Variants in TLL2 observed in about 807,000 individuals in gnomAD.
The protein encoded by TLL2 is tolloid like 2, also known as tolloid-like protein 2.
In TLL2, 106 loss-of-function variants were observed where a neutral mutation model predicts 123.0. That is an observed-to-expected ratio of 0.86 (90% confidence interval 0.74 to 1.01). The LOEUF (loss-of-function observed/expected upper bound fraction) is 1.01, where lower values mean the gene tolerates loss of function less well. Ranked by LOEUF, TLL2 falls within the 50% of genes least tolerant of loss-of-function variation. The probability of loss-of-function intolerance (pLI) is 0.00; values close to 1 mark genes in which losing one functional copy is unlikely to be tolerated. For missense variants in TLL2, 1,332 were observed against 1,336.7 expected (o/e 1.00, Z 0.06); for synonymous variants, 494 against 516.8 (o/e 0.96, Z 0.60).
intron 2 of TLL2, among the ~76,000 whole-genome samples, chr10:96,477,913 T>C (rs1407454241): frequency 6.6e-6 from 1 of 152,200 alleles, no homozygotes; most frequent in Non-Finnish European, 1.5e-5. Context: ...CAGCACCTTC[T>C]GGGTACAAGG....
In TLL2 at chr10:96,387,043, A is replaced by G; in HGVS notation, c.1762T>C (p.Cys588Arg). ...DECSWPDHGG[C>R]EHRCVNTLGS... is the part of the protein sequence containing the mutation. Reference sequence around the variant, plus strand: ...AGCGTGTTCACACAGCGATGCTCGCACCCGCCGTGATCTGGCCAGGAACAC... The same window carrying G: ...AGCGTGTTCACACAGCGATGCTCGCGCCCGCCGTGATCTGGCCAGGAACAC... Residue 588 changes from cysteine to arginine, a missense_variant, in exon 14 of 21, where the codon TGC becomes CGC. By Grantham distance (180) the Cys-to-Arg change is radical. Coordinates refer to ENST00000357947, the MANE Select transcript of TLL2 (RefSeq NM_012465.4). The G allele has an allele frequency of 6.2e-7, 1 of 1,609,804 alleles. No homozygotes were observed. The highest frequency in any genetic ancestry group is 8.5e-7 in the Non-Finnish European group (1 of 1,179,210).
chr10:96,433,783 T>G (rs1846767651), intron 3 of TLL2, among the ~76,000 whole-genome samples: 1 of 152,178 alleles, frequency 6.6e-6, no homozygotes. Flanking sequence ...TGTTTTTGTT[T>G]GTTTGTTTGT....
chr10:96,486,761 C>T (rs1847360345), intron 1 of TLL2, among the ~76,000 whole-genome samples: 1 of 152,234 alleles, frequency 6.6e-6, no homozygotes, highest in African/African-American at 2.4e-5. Flanking sequence ...CCCTGCACAC[C>T]ACAGTTTGAA....
intron 1 of TLL2, among the ~76,000 whole-genome samples, chr10:96,507,751 A>G (rs1202152949): frequency 6.6e-6 from 1 of 152,188 alleles, no homozygotes; most frequent in Non-Finnish European, 1.5e-5. Flanking sequence ...CAGATTTGGA[A>G]TCTAGGTCTG....
chr10:96,405,809 G>A (rs1846443871), intron 9 of TLL2, among the ~76,000 whole-genome samples: 1 of 152,124 alleles, frequency 6.6e-6, no homozygotes, highest in Admixed American at 6.5e-5. Context: ...CCTGAGGTGT[G>A]GTGTGTCTAA....
At chr10:96,506,756 A>T (rs1033141228) in intron 1 of TLL2, among the ~76,000 whole-genome samples, 1 of 151,712 alleles carries the variant, frequency 6.6e-6, no homozygotes, top group Non-Finnish European at 1.5e-5. Context: ...ATGCTCTCCC[A>T]ACACACATGC....
chr10:96,379,937 C>T (rs1291285789), intron 16 of TLL2, among the ~76,000 whole-genome samples: 3 of 152,246 alleles, frequency 2.0e-5, no homozygotes. Context: ...TGCCGCGACT[C>T]CACCCCGCCC....
intron 1 of TLL2, among the ~76,000 whole-genome samples, chr10:96,488,572 G>A (rs974937064): frequency 5.9e-5 from 9 of 152,160 alleles, no homozygotes; most frequent in African/African-American, 1.7e-4. Context: ...CACTCAGAGG[G>A]GACACAGCCC....
chr10:96,461,075 A>G (rs1315278901), intron 2 of TLL2, among the ~76,000 whole-genome samples: 2 of 152,242 alleles, frequency 1.3e-5, no homozygotes, highest in Non-Finnish European at 2.9e-5. Context: ...TTTAGCCTTG[A>G]GAAATGAAGA....
chr10:96,502,897 C>A (rs577326224), intron 1 of TLL2, among the ~76,000 whole-genome samples: 2 of 148,054 alleles, frequency 1.4e-5, no homozygotes, highest in South Asian at 4.2e-4. Flanking sequence ...AACATCTCCA[C>A]TCAAGTGCTC....
intron 1 of TLL2, among the ~76,000 whole-genome samples, chr10:96,502,445 G>C (rs1423127085): frequency 1.3e-5 from 2 of 152,208 alleles, no homozygotes; most frequent in Non-Finnish European, 2.9e-5. Flanking sequence ...GTGTGAGCTT[G>C]GACCAGTGGC....
chr10:96,453,230 C>A (rs1379941035), intron 2 of TLL2, among the ~76,000 whole-genome samples: 2 of 152,108 alleles, frequency 1.3e-5, no homozygotes, highest in African/African-American at 4.8e-5. Flanking sequence ...CAGAGGCGGG[C>A]GGATCACGTG....
At position 96,472,905 on chromosome 10, in the gene TLL2, G is replaced by A. The variant is rs183702899; in HGVS notation, c.286+7444C>T. ...GATTCTGGACATTGGGTATCTCTTG[G>A]GTATGCACTGGTGTTCAATGCCTAC... On this transcript the variant is annotated intron_variant, in intron 2 of 20. Coordinates refer to ENST00000357947, the MANE Select transcript of TLL2 (RefSeq NM_012465.4). Among the ~76,000 whole-genome samples, 10 of 152,208 alleles carry A rather than the reference G, an allele frequency of 6.6e-5. No individual in the cohort carries two copies. In the East Asian group the frequency reaches 1.9e-3, roughly 29 times the overall value.
At chr10:96,470,310 A>G (rs1007848556) in intron 2 of TLL2, among the ~76,000 whole-genome samples, 3 of 152,174 alleles carry the variant, frequency 2.0e-5, no homozygotes, top group Non-Finnish European at 2.9e-5. Flanking sequence ...TGACAGCCTC[A>G]TGGGGGAGCA....
At chr10:96,459,705 A>AAAAAAAATAT (rs1847058581) in intron 2 of TLL2, among the ~76,000 whole-genome samples, 1 of 38,058 alleles carries the variant, frequency 2.6e-5, no homozygotes, top group Non-Finnish European at 4.4e-5. Context: ...AAAAAAAAAA[A>AAAAAAAATAT]ATATATATAT....
intron 3 of TLL2, 43 bp from the exon 4 acceptor site, chr10:96,433,005 C>T: frequency 6.3e-7 from 1 of 1,593,296 alleles, no homozygotes; most frequent in South Asian, 1.1e-5. Flanking sequence ...CCTTTGGTTC[C>T]TCCTGTGAAT....
intron 2 of TLL2, among the ~76,000 whole-genome samples, chr10:96,476,869 C>CACACACACACACACAG (rs1847259640): frequency 1.5e-5 from 2 of 133,018 alleles, no homozygotes; most frequent in South Asian, 5.5e-4. Context: ...CACACACACA[C>CACACACACACACACAG]ACACACACAC....
chr10:96,485,715 C>G (rs908403768), intron 1 of TLL2, among the ~76,000 whole-genome samples: 1 of 152,316 alleles, frequency 6.6e-6, no homozygotes, highest in East Asian at 1.9e-4. Flanking sequence ...ACAAGGAAGT[C>G]TATCTGACAA....
rs566146017 is a variant in TLL2, at chr10:96,398,419, A to G, written c.1268-1117T>C. On this transcript the variant is annotated intron_variant, in intron 10 of 20. Transcript: ENST00000357947. ...CTTGGCATAAACTATGCCCCCAACC[A>G]GGACATACAAATTGACCAAAACTGA... 1.8e-4 allele frequency among the ~76,000 whole-genome samples: 27 copies of G among 152,344 alleles called. 1 individual carries two copies. In the South Asian group the frequency reaches 2.5e-3, roughly 14 times the overall value.
Sources: gnomAD v4.1 joint callset for allele counts (sites outside exome capture counted in the v4.1 genomes callset) on GRCh38, gnomAD v4.1.1 for gene constraint, MANE v1.5 for transcripts, NCBI Gene and HGNC (gene_info 2026-07-23, HGNC 2026-07-21) for gene names.